The following CNTN3 variants were observed in gnomAD, a reference collection of about 807,000 sequenced individuals.
CNTN3 encodes the protein contactin 3.
In CNTN3, 60 loss-of-function variants were observed where a neutral mutation model predicts 119.1. The ratio of observed to expected loss-of-function variants is 0.50; its 90% CI spans 0.41 to 0.62. CNTN3 has a LOEUF of 0.62. Ranked by LOEUF, CNTN3 falls within the 20% of genes least tolerant of loss-of-function variation. The pLI is 0.00. For missense variants in CNTN3, 1,101 were observed against 1,242.4 expected (o/e 0.89, Z 1.71); for synonymous variants, 450 against 438.7 (o/e 1.03, Z -0.32).
At chr3:74,418,810 A>G (rs1428081459) in intron 5 of CNTN3, among the ~76,000 whole-genome samples, 3 of 142,300 alleles carry the variant, frequency 2.1e-5, no homozygotes, top group African/African-American at 5.2e-5. Flanking sequence ...TTTTTTGGAG[A>G]CAGAATCTCA....
intron 1 of CNTN3, among the ~76,000 whole-genome samples, chr3:74,536,982 C>T (rs1337980067): frequency 1.1e-5 from 1 of 90,568 alleles, no homozygotes; most frequent in Non-Finnish European, 2.2e-5. Context: ...GCAAACCTGT[C>T]ATACTTTCAT....
At chr3:74,585,899 G>C (rs187215435) in intron 1 of CNTN3, among the ~76,000 whole-genome samples, 2 of 152,228 alleles carry the variant, frequency 1.3e-5, no homozygotes, top group East Asian at 3.9e-4. Flanking sequence ...GAACAAATGA[G>C]AATTGCATTC....
At chr3:74,577,905 GT>G (rs1704444210) in intron 1 of CNTN3, among the ~76,000 whole-genome samples, 1 of 152,000 alleles carries the variant, frequency 6.6e-6, no homozygotes, top group Non-Finnish European at 1.5e-5. Flanking sequence ...ATATGTATTT[GT>G]TAAATGAACA....
rs1268778827 is a variant in CNTN3, at chr3:74,265,771, C to CATTT, written c.2986+709_2986+710insAAAT. On this transcript the variant is annotated intron_variant, in intron 22 of 22. Transcript: ENST00000263665. The stretch of plus-strand genomic sequence containing the variant: ...AATGAATGGAAACAGGGAACAAAGT[C>CATTT]ATGTCACTAAGAACTATAGAATAGC... Among the ~76,000 whole-genome samples, 5 of 152,232 alleles carry CATTT rather than the reference C, an allele frequency of 3.3e-5. 1 individual carries two copies. Among genetic ancestry groups the CATTT allele is most frequent in the South Asian group, 2.1e-4 (1 of 4,828 alleles).
intron 4 of CNTN3, among the ~76,000 whole-genome samples, chr3:74,449,337 G>C (rs1344370228): frequency 6.6e-6 from 1 of 151,968 alleles, no homozygotes; most frequent in East Asian, 1.9e-4. Flanking sequence ...CTGCAGTACA[G>C]AGTTTAAATC....
At chr3:74,395,770 T>G (rs371093815) in intron 5 of CNTN3, among the ~76,000 whole-genome samples, 14 of 152,270 alleles carry the variant, frequency 9.2e-5, no homozygotes, top group African/African-American at 2.4e-4. Flanking sequence ...GTGTGTGTGT[T>G]TTTTTAAATT....
At chr3:74,586,980 T>A (rs1259051065) in intron 1 of CNTN3, among the ~76,000 whole-genome samples, 2 of 152,106 alleles carry the variant, frequency 1.3e-5, no homozygotes, top group Non-Finnish European at 2.9e-5. Context: ...TCCCAGCTAC[T>A]CTTATTTTAC....
intron 11 of CNTN3, among the ~76,000 whole-genome samples, chr3:74,343,121 T>C (rs906266046): frequency 1.3e-5 from 2 of 152,194 alleles, no homozygotes; most frequent in Non-Finnish European, 2.9e-5. Flanking sequence ...TCGGCTTTAT[T>C]AGTTGTATTA....
intron 2 of CNTN3, 101 bp from the exon 3 acceptor site, chr3:74,499,886 A>G: frequency 8.5e-7 from 1 of 1,183,010 alleles, no homozygotes; most frequent in South Asian, 1.7e-5. Context: ...AAATTCTAGT[A>G]CTGCTCCATT....
In CNTN3 at chr3:74,369,319, T is replaced by A; in HGVS notation, c.816A>T (p.Lys272Asn). The A allele has an allele frequency of 6.2e-7, 1 of 1,610,214 alleles. No homozygotes were observed. The highest frequency in any genetic ancestry group is 8.5e-7 in the Non-Finnish European group (1 of 1,178,226). Residue 272 changes from lysine (K) to asparagine (N), a missense_variant, in exon 8 of 23, where the codon AAA (lysine) becomes AAT (asparagine). Physicochemically the swap from Lys to Asn is moderately conservative, Grantham distance 94. Coordinates refer to ENST00000263665, the MANE Select transcript of CNTN3 (RefSeq NM_020872.3). ...RRSDGLPFSS[K>N]IKLRKFSGVL... ...CACCACTGAACTTCCTTAATTTAAT[T>A]TTGCTGGAAAATGGCAGCCCATCAC...
At chr3:74,364,342 G>T in intron 10 of CNTN3, 125 bp downstream of exon 10, 1 of 879,874 alleles carries the variant, frequency 1.1e-6, no homozygotes, top group Non-Finnish European at 1.7e-6. Context: ...GAATGATCGT[G>T]TTGTAATACT....
chr3:74,328,556 A>G (rs1407977693), intron 13 of CNTN3, among the ~76,000 whole-genome samples: 5 of 152,072 alleles, frequency 3.3e-5, no homozygotes, highest in Non-Finnish European at 7.4e-5. Context: ...ATTCTTGTAA[A>G]TTTAAGTCTA....
intron 4 of CNTN3, among the ~76,000 whole-genome samples, chr3:74,471,171 A>G (rs913745279): frequency 1.3e-5 from 2 of 152,008 alleles, no homozygotes; most frequent in Non-Finnish European, 2.9e-5. Context: ...CAGGGAGGGG[A>G]ACATCACACA....
At chr3:74,468,935 G>A (rs1316359613) in intron 4 of CNTN3, among the ~76,000 whole-genome samples, 1 of 152,038 alleles carries the variant, frequency 6.6e-6, no homozygotes, top group African/African-American at 2.4e-5. Flanking sequence ...AACAAGTACT[G>A]CTTTAAAGGG....
chr3:74,472,172 C>A (rs1702577422), intron 4 of CNTN3, among the ~76,000 whole-genome samples: 1 of 152,116 alleles, frequency 6.6e-6, no homozygotes, highest in Non-Finnish European at 1.5e-5. Flanking sequence ...TTCAACTCAA[C>A]CTCAGTGGTT....
chr3:74,589,657 C>T (rs1410669953), intron 1 of CNTN3, among the ~76,000 whole-genome samples: 10 of 146,964 alleles, frequency 6.8e-5, no homozygotes, highest in African/African-American at 1.3e-4. Flanking sequence ...CACATGCACA[C>T]GTATGTTTAT....
At chr3:74,312,850 G>C (rs1575717195) in intron 13 of CNTN3, among the ~76,000 whole-genome samples, 1 of 152,124 alleles carries the variant, frequency 6.6e-6, no homozygotes, top group East Asian at 1.9e-4. Context: ...ACAAGAGTAA[G>C]ATATAGCAGG....
At chr3:74,369,445 A>T in intron 7 of CNTN3, 72 bp from the exon 8 acceptor site, 1 of 1,230,250 alleles carries the variant, frequency 8.1e-7, no homozygotes, top group Non-Finnish European at 1.1e-6. Context: ...AAAGCTTTTA[A>T]GATTGAACAA....
chr3:74,303,502 G>A (rs942030601), intron 13 of CNTN3, among the ~76,000 whole-genome samples: 22 of 152,140 alleles, frequency 1.4e-4, no homozygotes, highest in Admixed American at 5.2e-4. Flanking sequence ...AGACCAGCCC[G>A]GCCAATATGG....
Sources: allele counts gnomAD v4.1 joint callset (sites outside exome capture counted in the v4.1 genomes callset), GRCh38; gene constraint gnomAD v4.1.1; transcripts MANE v1.5; gene names NCBI Gene and HGNC (gene_info 2026-07-23, HGNC 2026-07-21).